MFSD11: variants seen among roughly 807,000 people sequenced by gnomAD.
MFSD11 encodes UNC93-like protein MFSD11.
A neutral mutation model predicts 53.5 loss-of-function variants in MFSD11; 36 were observed. The observed-to-expected ratio is 0.67, with a 90% CI of 0.52 to 0.89. MFSD11 has a LOEUF of 0.89. Among genes scored for constraint, MFSD11 ranks in the 40% least tolerant of loss-of-function variants. The pLI is 0.00. For missense variants in MFSD11, 530 were observed against 543.9 expected (o/e 0.97, Z 0.25); for synonymous variants, 186 against 184.9 (o/e 1.01, Z -0.05).
At chr17:76,795,371 C>T in the MFSD11 span, among the ~76,000 whole-genome samples, 1 of 149,916 alleles carries the variant, frequency 6.7e-6, no homozygotes, top group Non-Finnish European at 1.5e-5. Flanking sequence ...AGCCTGTAAT[C>T]CCAACTACTT....
At position 76,776,319 on chromosome 17, in the gene MFSD11, A is replaced by C; in HGVS notation, c.1050-87A>C. The C allele has an allele frequency of 5.6e-4, 681 of 1,222,454 alleles. No homozygotes were observed. The highest frequency in any genetic ancestry group is 1.1e-3 in the Middle Eastern group (4 of 3,714). The allele number at this position is 1,222,454 out of a possible 1,614,324, so 75.7% of individuals were successfully genotyped here. ...TTCATAGTGTTTACAACTTGCAGGTAGAATTCTTTTGTGGGTGGGTTGCTT... is the reference window on the plus strand; with the variant it reads ...TTCATAGTGTTTACAACTTGCAGGTCGAATTCTTTTGTGGGTGGGTTGCTT... On this transcript the variant is annotated intron_variant, in intron 11 of 12. Transcript: ENST00000685175. The surrounding 1 kb of genome is among the most constrained non-coding windows in gnomAD (Gnocchi z 4.2).
In MFSD11 at chr17:76,775,832, A is replaced by G. The variant is rs10438704; in HGVS notation, c.1050-574A>G. Among the ~76,000 whole-genome samples, 310 of 152,330 alleles carry G rather than the reference A, an allele frequency of 2.0e-3. 4 individuals are homozygous for G. The highest frequency in any genetic ancestry group is 7.1e-3 in the African/African-American group (297 of 41,574). On this transcript the variant is annotated intron_variant, in intron 11 of 12. Transcript: ENST00000685175. ...TTCCAAAATCTGAAAAGAAAATTTGAAACACTTCTGGTCTTGATAAGGGAT... is the reference window on the plus strand; with the variant it reads ...TTCCAAAATCTGAAAAGAAAATTTGGAACACTTCTGGTCTTGATAAGGGAT...
Position 76,738,362 on chromosome 17 carries a change from G to A in MFSD11, c.10G>A (p.Glu4Lys). 6.2e-7 allele frequency: 1 copy of A among 1,613,968 alleles called. No homozygotes were observed. The highest frequency in any genetic ancestry group is 8.5e-7 in the Non-Finnish European group (1 of 1,179,850). MSPESKKLFNIIIL... is the reference protein window; with the variant it reads MSPKSKKLFNIIIL... ...GCAGAGCTGAGCCAAAATGTCCCCGGAATCTAAAAAGCTTTTCAACATCAT... is the reference window on the plus strand; with the variant it reads ...GCAGAGCTGAGCCAAAATGTCCCCGAAATCTAAAAAGCTTTTCAACATCAT... The change falls in exon 1 of 13, where the codon GAA (glutamate) becomes AAA (lysine). Residue 4 changes from glutamate (E) to lysine (K), a missense_variant. Physicochemically the swap from Glu to Lys is moderately conservative, Grantham distance 56. Coordinates refer to ENST00000685175, the MANE Select transcript of MFSD11 (RefSeq NM_001242532.5).
intron 2 of MFSD11, among the ~76,000 whole-genome samples, chr17:76,740,087 T>C (rs1018091404): frequency 4.9e-5 from 7 of 142,034 alleles, no homozygotes; most frequent in Middle Eastern, 3.8e-3. Context: ...GGCAAGAGAA[T>C]GGCGTGAACC....
intron 1 of MFSD11, among the ~76,000 whole-genome samples, 154 bp from the exon 2 acceptor site, chr17:76,738,779 AGTTCT>A (rs2077756425): frequency 6.6e-6 from 1 of 152,158 alleles, no homozygotes; most frequent in Admixed American, 6.6e-5. Flanking sequence ...TGCCTTCTGC[AGTTCT>A]GTTGTCCTTT....
downstream of MFSD11, among the ~76,000 whole-genome samples, chr17:76,783,684 G>A (rs8079393): frequency 0.018 from 2,767 of 152,158 alleles, 92 homozygotes; most frequent in African/African-American, 0.061. Context: ...TCAGCCTCCC[G>A]AGTAGCTGGG....
intron 8 of MFSD11, among the ~76,000 whole-genome samples, chr17:76,764,239 T>A (rs2080584292): frequency 1.4e-5 from 2 of 146,816 alleles, no homozygotes; most frequent in African/African-American, 5.5e-5. Flanking sequence ...CACATAGTTA[T>A]CTTTTTTTTG....
chr17:76,749,561 T>A lies in MFSD11; in HGVS notation c.642-4486T>A, dbSNP rs549829498. 8.4e-4 allele frequency among the ~76,000 whole-genome samples: 125 copies of A among 148,388 alleles called. No individual in the cohort carries two copies. The South Asian group carries it at 0.014, about 16-fold the overall frequency. On this transcript the variant is annotated intron_variant, in intron 7 of 12. Coordinates refer to ENST00000685175, the MANE Select transcript of MFSD11 (RefSeq NM_001242532.5). The stretch of plus-strand genomic sequence containing the variant: ...AAAAAAAGAAGAAGAAGGAACAATG[T>A]ATGCTGTAGCCTATCTCCATATGGT...
At chr17:76,740,867 C>G (rs1407546449) in intron 2 of MFSD11, 90 bp from the exon 3 acceptor site, 1 of 748,738 alleles carries the variant, frequency 1.3e-6, no homozygotes, top group African/African-American at 1.8e-5. Flanking sequence ...ATTGTAAAAT[C>G]TATAAACAAA....
At chr17:76,737,438 A>G, upstream of MFSD11, 2 of 366,806 alleles carry the variant, frequency 5.5e-6, no homozygotes, top group Non-Finnish European at 5.0e-6. Context: ...CCCGCTTCGT[A>G]ACGACCCTGC....
At chr17:76,761,063 CACACG>C in intron 8 of MFSD11, among the ~76,000 whole-genome samples, 1 of 151,962 alleles carries the variant, frequency 6.6e-6, no homozygotes, top group Non-Finnish European at 1.5e-5. Flanking sequence ...AAATTAGCCG[CACACG>C]GTGGTGAGTG....
At chr17:76,768,976 ACTCT>A (rs1196417904) in intron 9 of MFSD11, among the ~76,000 whole-genome samples, 1 of 143,264 alleles carries the variant, frequency 7.0e-6, no homozygotes, top group Admixed American at 7.2e-5. Flanking sequence ...ACAGAGCAAG[ACTCT>A]CTCTCAAAAA....
chr17:76,794,572 G>A, the MFSD11 span, among the ~76,000 whole-genome samples: 1 of 134,162 alleles, frequency 7.5e-6, no homozygotes, highest in Admixed American at 8.1e-5. Flanking sequence ...AACCTGGTAA[G>A]CAGAGGTTGC....
chr17:76,762,230 T>C (rs926844896), intron 8 of MFSD11, among the ~76,000 whole-genome samples: 5 of 152,176 alleles, frequency 3.3e-5, no homozygotes, highest in Non-Finnish European at 7.3e-5. Context: ...CTTTAGTGCC[T>C]GGTTTCTTTT....
chr17:76,797,099 G>A, the MFSD11 span, among the ~76,000 whole-genome samples: 9 of 152,156 alleles, frequency 5.9e-5, no homozygotes, highest in Non-Finnish European at 1.2e-4. Flanking sequence ...AACCCAGGAG[G>A]TGGAAGTTGC....
intron 8 of MFSD11, among the ~76,000 whole-genome samples, chr17:76,761,049 A>G (rs1199062838): frequency 6.6e-6 from 1 of 151,970 alleles, no homozygotes; most frequent in Non-Finnish European, 1.5e-5. Context: ...ACTAAAAATA[A>G]CAAAAATTAG....
At chr17:76,802,437 G>A in the MFSD11 span, among the ~76,000 whole-genome samples, 3 of 152,130 alleles carry the variant, frequency 2.0e-5, no homozygotes, top group South Asian at 2.1e-4. Context: ...CACATAAACC[G>A]ACCATACAAC....
the MFSD11 span, among the ~76,000 whole-genome samples, chr17:76,791,970 G>A: frequency 6.8e-6 from 1 of 147,582 alleles, no homozygotes; most frequent in African/African-American, 2.5e-5. Flanking sequence ...GGGCACTCAC[G>A]TCTATTCAAC....
At chr17:76,737,229 C>T, upstream of MFSD11, 2 of 1,464,718 alleles carry the variant, frequency 1.4e-6, no homozygotes, top group Non-Finnish European at 1.8e-6. Context: ...GGTGCGACGC[C>T]GCGCCTCTCA....
Sources: allele counts gnomAD v4.1 joint callset (sites outside exome capture counted in the v4.1 genomes callset), GRCh38; gene constraint gnomAD v4.1.1; non-coding constraint Gnocchi (gnomAD v3.1); transcripts MANE v1.5; gene names NCBI Gene and HGNC (gene_info 2026-07-23, HGNC 2026-07-21).